Variants in TEX11 observed in about 807,000 individuals in gnomAD.
TEX11 encodes the protein testis-expressed protein 11.
Under a neutral mutation model 84.4 loss-of-function variants are expected in TEX11, and 7 were observed. The observed-to-expected ratio is 0.08, with a 90% CI of 0.05 to 0.16. The LOEUF is 0.16. Ranked by LOEUF, TEX11 falls within the 10% of genes least tolerant of loss-of-function variation. TEX11 has a pLI of 1.00. For missense variants in TEX11, 551 were observed against 660.5 expected, an observed-to-expected ratio of 0.83 and a Z score of 1.82; for synonymous variants, 264 against 222.8, an observed-to-expected ratio of 1.18 and a Z score of -1.64.
At chrX:70,584,355 A>C (rs984936840) in intron 25 of TEX11, among the ~76,000 whole-genome samples, 19 of 112,291 alleles carry the variant, frequency 1.7e-4, no homozygotes, top group Non-Finnish European at 3.6e-4. Flanking sequence ...TTTAGAAGAA[A>C]TAGAAAATCT....
chrX:70,682,692 T>C lies in TEX11; in HGVS notation c.1138A>G (p.Ile380Val), dbSNP rs2090156828. The C allele has an allele frequency of 8.3e-7, 1 of 1,208,457 alleles. No individual in the cohort carries two copies. The highest frequency in any genetic ancestry group is 2.2e-5 in the Admixed American group (1 of 45,540). Residue 380 changes from isoleucine to valine, a missense_variant, in exon 14 of 30, where the codon ATT (isoleucine) becomes GTT (valine). Coordinates refer to ENST00000374333, the MANE Select transcript of TEX11 (RefSeq NM_031276.3). ...TACTGACCTAAAAAGATTTCTTCAA[T>C]CTTCTCCTTGGCAAGAAGTTCTTCC... is the stretch of plus-strand genomic sequence containing the variant. ...RKEELLAKEKIEEIFLAHQTG... is the reference protein window; with the variant it reads ...RKEELLAKEKVEEIFLAHQTG...
At chrX:70,548,316 C>T (rs1046904861) in intron 28 of TEX11, among the ~76,000 whole-genome samples, 118 of 109,178 alleles carry the variant, frequency 1.1e-3, no homozygotes, top group Middle Eastern at 4.7e-3. Flanking sequence ...ATACCTAATG[C>T]TAAATGATGA....
chrX:70,647,855 C>T (rs1008708009), intron 17 of TEX11, among the ~76,000 whole-genome samples: 2 of 110,932 alleles, frequency 1.8e-5, no homozygotes, highest in Non-Finnish European at 3.8e-5. Flanking sequence ...GTCAGTGTGG[C>T]GATTCCTCAG....
intron 2 of TEX11, among the ~76,000 whole-genome samples, chrX:70,890,345 C>T (rs1159370564): frequency 9.0e-6 from 1 of 111,549 alleles, no homozygotes; most frequent in Non-Finnish European, 1.9e-5. Context: ...ACTGGTTGGA[C>T]AGTGTGTGCA....
intron 28 of TEX11, among the ~76,000 whole-genome samples, chrX:70,544,060 T>C (rs1179209909): frequency 1.8e-5 from 2 of 111,909 alleles, no homozygotes; most frequent in African/African-American, 6.5e-5. Context: ...TAACCATGAA[T>C]AGAGCTTGCA....
At chrX:70,607,116 A>C in intron 22 of TEX11, 87 bp from the exon 23 acceptor site, 2 of 671,440 alleles carry the variant, frequency 3.0e-6, no homozygotes, top group Non-Finnish European at 4.4e-6. Flanking sequence ...TGATACTTAC[A>C]CCTTTGATAT....
intron 9 of TEX11, among the ~76,000 whole-genome samples, chrX:70,789,807 T>A (rs1362494553): frequency 4.5e-5 from 5 of 112,108 alleles, no homozygotes; most frequent in African/African-American, 1.6e-4. Flanking sequence ...TTGAAGTCAG[T>A]TTGTCAAAGA....
chrX:70,533,345 T>C (rs373540064), intron 28 of TEX11, among the ~76,000 whole-genome samples: 1 of 111,845 alleles, frequency 8.9e-6, no homozygotes, highest in Non-Finnish European at 1.9e-5. Context: ...ACAAGTTGGC[T>C]TGAGGTAACT....
intron 9 of TEX11, among the ~76,000 whole-genome samples, chrX:70,793,884 T>G (rs142279204): frequency 0.071 from 7,564 of 106,238 alleles, 231 homozygotes; most frequent in East Asian, 0.13. Flanking sequence ...AAAAAAAGGC[T>G]CTTAGAACTA....
At chrX:70,750,965 TAA>T (rs2090818782) in intron 9 of TEX11, among the ~76,000 whole-genome samples, 1 of 74,337 alleles carries the variant, frequency 1.3e-5, no homozygotes, top group African/African-American at 4.4e-5. Context: ...TATATATATA[TAA>T]AAGTCAGGAC....
chrX:70,516,905 C>T, the TEX11 span, among the ~76,000 whole-genome samples: 4 of 110,870 alleles, frequency 3.6e-5, no homozygotes, highest in South Asian at 7.7e-4. Context: ...AGTTCACTCA[C>T]GATTTGGCTC....
rs189308609 is a variant in TEX11 at position 70,688,574 on chromosome X, A to G, written c.1005-5749T>C. 5.4e-5 allele frequency among the ~76,000 whole-genome samples: 6 copies of G among 110,140 alleles called. No individual in the cohort carries two copies. The East Asian group carries it at 1.7e-3, about 31-fold the overall frequency. On this transcript the variant is annotated intron_variant, in intron 13 of 29. Transcript: ENST00000374333. ...AAAAAGAAGAGCCAGTAAGAAAAAT[A>G]GAGAGTGAAAAGATGTGGTTGCCAG...
chrX:70,526,397 C>T (rs1352882053), downstream of TEX11, among the ~76,000 whole-genome samples: 1 of 110,022 alleles, frequency 9.1e-6, no homozygotes, highest in African/African-American at 3.3e-5. Context: ...GGCGAAATCT[C>T]GTCTCTACTA....
At chrX:70,676,647 G>A (rs745460123) in intron 15 of TEX11, among the ~76,000 whole-genome samples, 1 of 111,686 alleles carries the variant, frequency 9.0e-6, no homozygotes, top group East Asian at 2.8e-4. Flanking sequence ...TTTTCATTAA[G>A]TTTTGAAAGT....
intron 8 of TEX11, among the ~76,000 whole-genome samples, chrX:70,828,490 C>A (rs2091358952): frequency 9.2e-6 from 1 of 108,791 alleles, no homozygotes; most frequent in Admixed American, 1.0e-4. Flanking sequence ...ATTGATCAAG[C>A]AGAAGAAAAC....
At chrX:70,729,405 C>T (rs2090626290) in intron 11 of TEX11, among the ~76,000 whole-genome samples, 1 of 111,078 alleles carries the variant, frequency 9.0e-6, no homozygotes, top group South Asian at 3.8e-4. Context: ...AAGTTAAAAA[C>T]CTTGAAAAAA....
At chrX:70,895,840 T>C (rs1477844580) in intron 2 of TEX11, among the ~76,000 whole-genome samples, 1 of 110,975 alleles carries the variant, frequency 9.0e-6, no homozygotes, top group Non-Finnish European at 1.9e-5. Context: ...AGAAACCGGA[T>C]CCCTTCCCTA....
intron 7 of TEX11, among the ~76,000 whole-genome samples, chrX:70,844,055 A>T (rs1014534483): frequency 3.6e-5 from 4 of 110,413 alleles, no homozygotes; most frequent in African/African-American, 1.3e-4. Flanking sequence ...CAGTGTGGCG[A>T]TTCCTCAGGG....
intron 25 of TEX11, among the ~76,000 whole-genome samples, chrX:70,559,627 T>G (rs2088336755): frequency 8.9e-6 from 1 of 112,503 alleles, no homozygotes; most frequent in Admixed American, 9.4e-5. Context: ...TGGGACCAAC[T>G]TCTTTTACTC....
Sources: gnomAD v4.1 joint callset for allele counts (sites outside exome capture counted in the v4.1 genomes callset) on GRCh38, gnomAD v4.1.1 for gene constraint, MANE v1.5 for transcripts, NCBI Gene and HGNC (gene_info 2026-07-23, HGNC 2026-07-21) for gene names.